The following RFX2 variants were observed in gnomAD, a reference collection of about 807,000 sequenced individuals.
The protein encoded by RFX2 is DNA-binding protein RFX2.
A neutral mutation model predicts 87.8 loss-of-function variants in RFX2; 20 were observed. The ratio of observed to expected loss-of-function variants is 0.23; its 90% CI spans 0.16 to 0.33. The LOEUF (loss-of-function observed/expected upper bound fraction) is 0.33. RFX2 is among the 10% of genes least tolerant of loss of function. The pLI is 1.00. For synonymous variants in RFX2, 397 were observed against 431.3 expected (o/e 0.92, Z 0.98); for missense variants, 767 against 1,012.3 (o/e 0.76, Z 3.29).
chr19:6,103,541 T>A (rs535240241), intron 1 of RFX2, among the ~76,000 whole-genome samples: 2 of 152,148 alleles, frequency 1.3e-5, no homozygotes, highest in Non-Finnish European at 2.9e-5. Flanking sequence ...GAGCCAGTGA[T>A]AACAGAGAAG....
At chr19:6,107,294 TCAAA>T (rs796259195) in intron 1 of RFX2, among the ~76,000 whole-genome samples, 11 of 145,978 alleles carry the variant, frequency 7.5e-5, no homozygotes, top group East Asian at 2.1e-4. Context: ...AGACTCTGTC[TCAAA>T]CAAACAAACA....
chr19:6,077,072 T>C (rs2087702470), intron 1 of RFX2: 1 of 152,248 alleles, frequency 6.6e-6, no homozygotes, highest in African/African-American at 2.4e-5. Flanking sequence ...TCCTACCACG[T>C]GCAACCTTAT....
rs779271208 is a variant in RFX2 at position 6,027,377 on chromosome 19, T to C, written c.523-1140A>G. 2 of 152,124 alleles carry C rather than the reference T, an allele frequency of 1.3e-5. No homozygotes were observed. Among genetic ancestry groups the C allele is most frequent in the African/African-American group, 2.4e-5 (1 of 41,414 alleles). The allele number at this position is 152,124 out of a possible 1,614,324, so 9.4% of individuals were successfully genotyped here. ...GGTACACTGGAGGACCAGGGGAAAG[T>C]AGGATGGTGAGACCTCTCCCACCCA... On this transcript the variant is annotated intron_variant, in intron 5 of 17. Transcript: ENST00000303657. This position sits in a 1 kb window ranked among gnomAD's most constrained non-coding sequence, Gnocchi z 5.0.
At chr19:6,068,341 C>T (rs1278141361) in intron 1 of RFX2, 1 of 152,262 alleles carries the variant, frequency 6.6e-6, no homozygotes, top group Middle Eastern at 3.4e-3. Context: ...GACCAGTCAT[C>T]AAAACACAAT....
chr19:6,061,583 C>T lies in RFX2; in HGVS notation c.-8-14079G>A, dbSNP rs1355950538. On this transcript the variant is annotated intron_variant, in intron 1 of 17. Transcript: ENST00000303657. This position sits in a 1 kb window ranked among gnomAD's most constrained non-coding sequence, Gnocchi z 5.2. Reference sequence around the variant, plus strand: ...GAACATTTGGTTCCCTTCCTACTCCCGGCCCCGCCTCTGGATCTTACTGGG... The same window carrying T: ...GAACATTTGGTTCCCTTCCTACTCCTGGCCCCGCCTCTGGATCTTACTGGG... 6.6e-6 allele frequency among the ~76,000 whole-genome samples: 1 copy of T among 152,212 alleles called. No individual in the cohort carries two copies. Among genetic ancestry groups the T allele is most frequent in the Non-Finnish European group, 1.5e-5 (1 of 68,046 alleles).
At chr19:6,048,964 G>A (rs1568524553) in intron 1 of RFX2, among the ~76,000 whole-genome samples, 1 of 148,678 alleles carries the variant, frequency 6.7e-6, no homozygotes, top group Non-Finnish European at 1.5e-5. Flanking sequence ...GTGTGAGCCT[G>A]ACTCACTTCT....
rs954872053 is a variant in RFX2, at chr19:6,064,439, G to A, written c.-8-16935C>T. 2.0e-5 allele frequency among the ~76,000 whole-genome samples: 3 copies of A among 152,232 alleles called. No homozygotes were observed. Among genetic ancestry groups the A allele is most frequent in the Non-Finnish European group, 2.9e-5 (2 of 68,044 alleles). On this transcript the variant is annotated intron_variant, in intron 1 of 17. Transcript: ENST00000303657. This position sits in a 1 kb window ranked among gnomAD's most constrained non-coding sequence, Gnocchi z 4.8. ...TGTGCCAGTGAAAACCTGGCATGCG[G>A]AGGCCTCACCTCACTCACCCTCTCC...
chr19:6,090,739 T>A (rs2087922432), intron 1 of RFX2, among the ~76,000 whole-genome samples: 1 of 152,150 alleles, frequency 6.6e-6, no homozygotes, highest in African/African-American at 2.4e-5. Flanking sequence ...CTATTCGTAA[T>A]AGTCAAAAGG....
intron 1 of RFX2, among the ~76,000 whole-genome samples, chr19:6,080,763 C>G (rs909845625): frequency 1.3e-5 from 2 of 152,146 alleles, no homozygotes; most frequent in Non-Finnish European, 2.9e-5. Flanking sequence ...GCTGTCGGGG[C>G]TCAGTGGCTT....
chr19:6,064,638 C>T lies in RFX2; in HGVS notation c.-8-17134G>A, dbSNP rs561900205. ...CTGTGCCCACCTGGGGATGGGGTCT[C>T]GTCCTGCCTGTGTGACCCTTCCTCC... On this transcript the variant is annotated intron_variant, in intron 1 of 17. Transcript: ENST00000303657. The surrounding 1 kb of genome is among the most constrained non-coding windows in gnomAD (Gnocchi z 4.8). Among the ~76,000 whole-genome samples the T allele has an allele frequency of 6.6e-5, 10 of 152,322 alleles. No homozygotes were observed. The highest frequency in any genetic ancestry group is 2.1e-4 in the South Asian group (1 of 4,826).
rs1264956362 is a variant in RFX2, at chr19:5,998,123, C to T, written c.1860-910G>A. On this transcript the variant is annotated intron_variant, in intron 15 of 17. Coordinates refer to ENST00000303657, the MANE Select transcript of RFX2 (RefSeq NM_000635.4). The surrounding 1 kb of genome is among the most constrained non-coding windows in gnomAD (Gnocchi z 4.2). ...AGGAGTTCTAGACCAGCCTGGCCAA[C>T]ATGGTGAAACGCCATCTCTACTAAG... Among the ~76,000 whole-genome samples, 1 of 152,154 alleles carries T rather than the reference C, an allele frequency of 6.6e-6. No homozygotes were observed. Among genetic ancestry groups the T allele is most frequent in the Non-Finnish European group, 1.5e-5 (1 of 68,030 alleles).
Position 6,044,236 on chromosome 19 carries a change from A to C in RFX2, c.137T>G (p.Met46Arg), listed in dbSNP as rs763589544. 8.9e-6 allele frequency: 14 copies of C among 1,579,894 alleles called. No individual in the cohort carries two copies. Among genetic ancestry groups the C allele is most frequent in the Non-Finnish European group, 1.1e-5 (13 of 1,163,410 alleles). Reference protein sequence around the residue: ...AASSNPKGAQMQPISLPRVQQ... With the variant: ...AASSNPKGAQRQPISLPRVQQ... ...AACTCTGGGGAGGGAGATCGGCTGC[A>C]TCTGGGCCCCTTTGGGATTGGAGCT... The change falls in exon 3 of 18, where the codon ATG becomes AGG. Residue 46 changes from methionine (M) to arginine (R), a missense_variant. Coordinates refer to ENST00000303657, the MANE Select transcript of RFX2 (RefSeq NM_000635.4). The surrounding 1 kb of genome is among the most constrained non-coding windows in gnomAD (Gnocchi z 5.3).
Position 6,047,069 on chromosome 19 carries a change from C to A in RFX2, c.90+338G>T, listed in dbSNP as rs1161155317. On this transcript the variant is annotated intron_variant, in intron 2 of 17. Transcript: ENST00000303657. This position sits in a 1 kb window ranked among gnomAD's most constrained non-coding sequence, Gnocchi z 4.2. ...GTGTGAGCCACTGCACCCGGCCTTA[C>A]TTCTTAATTCTTAATAAAGCATTTC... is the stretch of plus-strand genomic sequence containing the variant. Among the ~76,000 whole-genome samples the A allele has an allele frequency of 1.3e-5, 2 of 152,038 alleles. No individual in the cohort carries two copies. Among genetic ancestry groups the A allele is most frequent in the Non-Finnish European group, 2.9e-5 (2 of 68,016 alleles).
At chr19:6,080,409 G>A (rs766623012) in intron 1 of RFX2, among the ~76,000 whole-genome samples, 2 of 152,174 alleles carry the variant, frequency 1.3e-5, no homozygotes, top group East Asian at 1.9e-4. Context: ...AGGTGAGCAG[G>A]TCAGATGAAA....
chr19:6,010,663 G>A lies in RFX2; in HGVS notation c.900-412C>T, dbSNP rs530372566. On this transcript the variant is annotated intron_variant, in intron 8 of 17. Coordinates refer to ENST00000303657, the MANE Select transcript of RFX2 (RefSeq NM_000635.4). This position sits in a 1 kb window ranked among gnomAD's most constrained non-coding sequence, Gnocchi z 5.0. ...TTGCAACTGGTCTCTCTCACTGAGCGTTATGTCCTCAAGGTCCACCGAGTT... is the reference window on the plus strand; with the variant it reads ...TTGCAACTGGTCTCTCTCACTGAGCATTATGTCCTCAAGGTCCACCGAGTT... 5.3e-5 allele frequency among the ~76,000 whole-genome samples: 8 copies of A among 152,224 alleles called. No homozygotes were observed. The highest frequency in any genetic ancestry group is 8.8e-5 in the Non-Finnish European group (6 of 68,030).
At chr19:6,031,146 C>G (rs982023837) in intron 5 of RFX2, among the ~76,000 whole-genome samples, 4 of 152,020 alleles carry the variant, frequency 2.6e-5, no homozygotes, top group Non-Finnish European at 5.9e-5. Context: ...ACATGTCTGC[C>G]AAATACCTGA....
chr19:6,055,640 T>C (rs2087326774), intron 1 of RFX2, among the ~76,000 whole-genome samples: 1 of 152,168 alleles, frequency 6.6e-6, no homozygotes, highest in Admixed American at 6.5e-5. Context: ...CCCAGGCTGG[T>C]CTCAAACTCC....
At chr19:6,037,885 G>A (rs1266677746) in intron 5 of RFX2, among the ~76,000 whole-genome samples, 2 of 152,098 alleles carry the variant, frequency 1.3e-5, no homozygotes, top group African/African-American at 2.4e-5. Context: ...TGACAAAGGT[G>A]TTAAAGCAAT....
At position 6,002,548 on chromosome 19, in the gene RFX2, G is replaced by C. The variant is rs936808127; in HGVS notation, c.1650+173C>G. Among the ~76,000 whole-genome samples the C allele has an allele frequency of 2.6e-5, 4 of 152,206 alleles. No individual in the cohort carries two copies. The highest frequency in any genetic ancestry group is 4.4e-5 in the Non-Finnish European group (3 of 68,034). On this transcript the variant is annotated intron_variant, in intron 14 of 17. Coordinates refer to ENST00000303657, the MANE Select transcript of RFX2 (RefSeq NM_000635.4). The surrounding 1 kb of genome is among the most constrained non-coding windows in gnomAD (Gnocchi z 6.7). Reference sequence around the variant, plus strand: ...GAGGGCCCTGAGAGATGATGGAGTGGAGAGAGCTGGGGGCTGTGGGTGGGC... The same window carrying C: ...GAGGGCCCTGAGAGATGATGGAGTGCAGAGAGCTGGGGGCTGTGGGTGGGC...
Sources: allele counts gnomAD v4.1 joint callset (sites outside exome capture counted in the v4.1 genomes callset), GRCh38; gene constraint gnomAD v4.1.1; non-coding constraint Gnocchi (gnomAD v3.1); transcripts MANE v1.5; gene names NCBI Gene and HGNC (gene_info 2026-07-23, HGNC 2026-07-21).